Variants in PKHD1 observed in about 807,000 individuals in gnomAD.
The protein encoded by PKHD1 is fibrocystin.
Under a neutral mutation model 412.0 loss-of-function variants are expected in PKHD1, and 291 were observed. That is an observed-to-expected ratio of 0.71 (90% CI 0.64 to 0.78). The LOEUF is 0.78. PKHD1 is among the 30% of genes least tolerant of loss of function. The pLI is 0.00. For missense variants in PKHD1, 4,825 were observed against 4,950.7 expected, an observed-to-expected ratio of 0.97 and a Z score of 0.76; for synonymous variants, 1,777 against 1,821.5, an observed-to-expected ratio of 0.98 and a Z score of 0.62.
intron 14 of PKHD1, among the ~76,000 whole-genome samples, chr6:52,062,002 G>C (rs1808753360): frequency 6.6e-6 from 1 of 152,162 alleles, no homozygotes; most frequent in Non-Finnish European, 1.5e-5. Context: ...GAATCATGAT[G>C]CCATCACTAC....
chr6:51,791,210 C>T, intron 53 of PKHD1, 26 bp downstream of exon 53: 1 of 1,610,066 alleles, frequency 6.2e-7, no homozygotes, highest in Non-Finnish European at 8.5e-7. Context: ...TCTCAACATG[C>T]TCGCAATCCT....
chr6:51,912,439 C>T lies in PKHD1; in HGVS notation c.6259G>A (p.Ala2087Thr). The T allele has an allele frequency of 6.2e-7, 1 of 1,612,974 alleles. No homozygotes were observed. Among genetic ancestry groups the T allele is most frequent in the East Asian group, 2.2e-5 (1 of 44,848 alleles). ...GTGACAATCTCTTCCATCGGTTTGG[C>T]ACCTTTAACACCTGTTCCACTGATG... is the stretch of plus-strand genomic sequence containing the variant. ...VIISGTGVKG[A>T]KPMEEIVTVE... is the part of the protein sequence containing the mutation. Residue 2087 changes from alanine (A) to threonine (T), a missense_variant, in exon 38 of 67, where the codon GCC (alanine) becomes ACC (threonine). Coordinates refer to ENST00000371117, the MANE Select transcript of PKHD1 (RefSeq NM_138694.4).
At chr6:52,004,779 G>T (rs917103542) in intron 35 of PKHD1, among the ~76,000 whole-genome samples, 1 of 152,148 alleles carries the variant, frequency 6.6e-6, no homozygotes, top group Non-Finnish European at 1.5e-5. Context: ...GTTGAGTGGG[G>T]TTTCTCCACT....
chr6:51,980,224 T>C (rs1457542184), intron 35 of PKHD1, among the ~76,000 whole-genome samples: 1 of 152,242 alleles, frequency 6.6e-6, no homozygotes, highest in Non-Finnish European at 1.5e-5. Flanking sequence ...ATAATTTCTT[T>C]GCACTCTGTT....
chr6:51,982,806 T>TAA (rs1195552598), intron 35 of PKHD1, among the ~76,000 whole-genome samples: 1 of 40,292 alleles, frequency 2.5e-5, no homozygotes, highest in Non-Finnish European at 6.1e-5. Context: ...GAATGATCAA[T>TAA]AAAAAAAAAA....
intron 52 of PKHD1, among the ~76,000 whole-genome samples, chr6:51,818,169 G>A (rs1003386638): frequency 2.6e-5 from 4 of 152,152 alleles, no homozygotes; most frequent in Admixed American, 6.5e-5. Flanking sequence ...AGCGGGCCCC[G>A]GAGTGCACAG....
rs573326624 is a variant in PKHD1 at position 51,629,182 on chromosome 6, G to A, written c.11666-2066C>T. 3.2e-4 allele frequency among the ~76,000 whole-genome samples: 49 copies of A among 152,040 alleles called. No homozygotes were observed. The Middle Eastern group carries it at 0.01, about 32-fold the overall frequency. The stretch of plus-strand genomic sequence containing the variant: ...AAGTTTTCATGTGAAGTCTCCAAAA[G>A]CAAATGCAACAAAAACATAAATAAA... On this transcript the variant is annotated intron_variant, in intron 65 of 66. Transcript: ENST00000371117.
chr6:51,933,361 A>T (rs1331746437), intron 37 of PKHD1, among the ~76,000 whole-genome samples: 4 of 152,216 alleles, frequency 2.6e-5, no homozygotes, highest in Admixed American at 2.6e-4. Context: ...GAGGATTCTA[A>T]GTAGAACTGT....
chr6:51,707,729 T>C (rs946762029), intron 60 of PKHD1, among the ~76,000 whole-genome samples: 1 of 152,170 alleles, frequency 6.6e-6, no homozygotes, highest in African/African-American at 2.4e-5. Flanking sequence ...ATCAAGATTA[T>C]CAATAAAGTC....
intron 37 of PKHD1, among the ~76,000 whole-genome samples, 190 bp from the exon 38 acceptor site, chr6:51,912,766 G>C (rs2127669286): frequency 6.6e-6 from 1 of 151,968 alleles, no homozygotes; most frequent in East Asian, 1.9e-4. Context: ...TTTGACCTTG[G>C]TTTTCTTTTT....
chr6:51,778,712 T>G (rs1463736921), intron 53 of PKHD1, among the ~76,000 whole-genome samples: 1 of 152,030 alleles, frequency 6.6e-6, no homozygotes, highest in Non-Finnish European at 1.5e-5. Context: ...CTTCAAAAGG[T>G]AAGAATAAGA....
intron 53 of PKHD1, among the ~76,000 whole-genome samples, chr6:51,786,233 T>C (rs1447617541): frequency 1.3e-5 from 2 of 152,098 alleles, no homozygotes; most frequent in Non-Finnish European, 2.9e-5. Flanking sequence ...CAAATAACTC[T>C]TCCTTGCCTC....
rs142465959 is a variant in PKHD1, at chr6:52,024,890, T to C, written c.4920A>G (p.Val1640=). 5.0e-3 allele frequency: 8,070 copies of C among 1,614,222 alleles called. 31 individuals are homozygous for C. Among genetic ancestry groups the C allele is most frequent in the Non-Finnish European group, 6.4e-3 (7,551 of 1,180,032 alleles). The change falls in exon 32 of 67, where the codon GTA becomes GTG. Residue 1640 remains valine (V), a synonymous_variant. Coordinates refer to ENST00000371117, the MANE Select transcript of PKHD1 (RefSeq NM_138694.4). Reference sequence around the variant, plus strand: ...CTCCTATGTGATACCAAAGTCCATCTACCTCTATTTCCAGGGCAACAGAGC... The same window carrying C: ...CTCCTATGTGATACCAAAGTCCATCCACCTCTATTTCCAGGGCAACAGAGC... ...GNGSVALEIE[V]DGLWYHIGVI...
Position 51,903,637 on chromosome 6 carries a change from G to T in PKHD1, c.6956C>A (p.Pro2319Gln), listed in dbSNP as rs1466087646. 6.2e-6 allele frequency: 10 copies of T among 1,611,100 alleles called. No homozygotes were observed. The highest frequency in any genetic ancestry group is 8.5e-6 in the Non-Finnish European group (10 of 1,177,902). Reference sequence around the variant, plus strand: ...GGGACTGCAGATATAGATGCCAGATGGTGTCAACATTTCAGGATTGGAGAG... The same window carrying T: ...GGGACTGCAGATATAGATGCCAGATTGTGTCAACATTTCAGGATTGGAGAG... ...EGLSNPEMLT[P>Q]SGIYICSPTN... is the part of the protein sequence containing the mutation. The change falls in exon 43 of 67, where the codon CCA becomes CAA. Residue 2319 changes from proline to glutamine, a missense_variant. Transcript: ENST00000371117.
At chr6:52,072,077 T>TA in intron 8 of PKHD1, 38 bp downstream of exon 8, 1 of 1,199,826 alleles carries the variant, frequency 8.3e-7, no homozygotes, top group Non-Finnish European at 1.2e-6. Context: ...TGGACGAACT[T>TA]ACAAGCATGT....
chr6:52,008,077 T>C (rs1055103422), intron 35 of PKHD1, among the ~76,000 whole-genome samples: 2 of 152,162 alleles, frequency 1.3e-5, no homozygotes, highest in Admixed American at 6.5e-5. Context: ...ATCTGAAACC[T>C]ACAATGATGG....
chr6:51,790,609 A>G (rs6458777), intron 53 of PKHD1, among the ~76,000 whole-genome samples: 89,191 of 151,984 alleles, frequency 0.59, 26,928 homozygotes, highest in East Asian at 0.83. Context: ...TTGTCCCAAG[A>G]TATGGTGGTT....
At chr6:51,893,791 T>C (rs1779465191) in intron 43 of PKHD1, among the ~76,000 whole-genome samples, 1 of 152,220 alleles carries the variant, frequency 6.6e-6, no homozygotes, top group Admixed American at 6.5e-5. Flanking sequence ...CTCTTAAATA[T>C]GCATTACCTA....
intron 60 of PKHD1, among the ~76,000 whole-genome samples, chr6:51,730,124 G>A (rs532984169): frequency 6.6e-6 from 1 of 152,160 alleles, no homozygotes; most frequent in South Asian, 2.1e-4. Flanking sequence ...TTAGTAAGTT[G>A]TTTTTACATT....
Sources: allele counts gnomAD v4.1 joint callset (sites outside exome capture counted in the v4.1 genomes callset), GRCh38; gene constraint gnomAD v4.1.1; transcripts MANE v1.5; gene names NCBI Gene and HGNC (gene_info 2026-07-23, HGNC 2026-07-21).